HIVEP3: variants seen among roughly 807,000 people sequenced by gnomAD.
HIVEP3 encodes the protein HIVEP zinc finger 3.
A neutral mutation model predicts 152.8 loss-of-function variants in HIVEP3; 49 were observed. The observed-to-expected ratio is 0.32, with a 90% CI of 0.26 to 0.41. The LOEUF (loss-of-function observed/expected upper bound fraction) is 0.41, where lower values mean the gene tolerates loss of function less well. Ranked by LOEUF, HIVEP3 falls within the 10% of genes least tolerant of loss-of-function variation. HIVEP3 has a pLI of 1.00. For synonymous variants in HIVEP3, 1,269 were observed against 1,289.0 expected (o/e 0.98, Z 0.33); for missense variants, 2,790 against 3,103.3 (o/e 0.90, Z 2.40).
chr1:41,582,858 A>G lies in HIVEP3; in HGVS notation c.1940T>C (p.Ile647Thr). The change falls in exon 4 of 9, where the codon ATA becomes ACA. Residue 647 changes from isoleucine to threonine, a missense_variant. Around this residue, in one of 9 missense-constraint regions of HIVEP3, gnomAD observed 339 missense variants for 327.0 expected, o/e 1.04. Transcript: ENST00000372583. This position sits in a 1 kb window ranked among gnomAD's most constrained non-coding sequence, Gnocchi z 4.7. ...CCTTTTCTTGTACCGAGCACCACAT[A>G]TGTTACATTCGTAGATCACCCCTTT... is the stretch of plus-strand genomic sequence containing the variant. ...KTKGVIYECN[I>T]CGARYKKRDN... 1 of 1,614,078 alleles carries G rather than the reference A, an allele frequency of 6.2e-7. No homozygotes were observed. Among genetic ancestry groups the G allele is most frequent in the South Asian group, 1.1e-5 (1 of 91,078 alleles).
chr1:41,838,492 C>A (rs1338961033), intron 1 of HIVEP3, among the ~76,000 whole-genome samples: 1 of 152,134 alleles, frequency 6.6e-6, no homozygotes, highest in South Asian at 2.1e-4. Context: ...CGCTTGTGGT[C>A]GGCCTCGGAT....
intron 5 of HIVEP3, among the ~76,000 whole-genome samples, chr1:41,545,044 C>T (rs1260911107): frequency 1.1e-5 from 1 of 94,582 alleles, no homozygotes; most frequent in African/African-American, 3.4e-5. Flanking sequence ...ACCAATACCA[C>T]TACCACCACC....
rs560094791 is a variant in HIVEP3, at chr1:41,718,548, T to A, written c.-800-17553A>T. Among the ~76,000 whole-genome samples the A allele has an allele frequency of 1.4e-3, 210 of 152,326 alleles. 1 individual carries two copies. The highest frequency in any genetic ancestry group is 2.6e-3 in the Non-Finnish European group (178 of 68,022). ...TTAGATGACAGAGATTGAACCCTGC[T>A]GGAATGGGAACAGCGGACCTGCCCC... On this transcript the variant is annotated intron_variant, in intron 1 of 8. Coordinates refer to ENST00000372583, the MANE Select transcript of HIVEP3 (RefSeq NM_024503.5).
intron 1 of HIVEP3, among the ~76,000 whole-genome samples, chr1:41,738,118 A>G (rs1646945256): frequency 2.6e-5 from 4 of 152,172 alleles, no homozygotes; most frequent in Admixed American, 2.6e-4. Flanking sequence ...GTCCTCTTCC[A>G]TCCTGCTCTG....
intron 1 of HIVEP3, among the ~76,000 whole-genome samples, chr1:41,996,813 G>C (rs1346288074): frequency 2.0e-5 from 3 of 152,204 alleles, no homozygotes; most frequent in Non-Finnish European, 4.4e-5. Flanking sequence ...GAGCAGAGCT[G>C]CATTCCTTCT....
At chr1:41,961,868 A>G (rs897840214) in intron 1 of HIVEP3, among the ~76,000 whole-genome samples, 5 of 152,278 alleles carry the variant, frequency 3.3e-5, no homozygotes, top group Admixed American at 2.6e-4. Context: ...AATTAGTAAT[A>G]CTGGTCCCTT....
intron 5 of HIVEP3, among the ~76,000 whole-genome samples, chr1:41,545,259 ACCAC>A (rs1489283636): frequency 7.1e-6 from 1 of 140,808 alleles, no homozygotes; most frequent in Non-Finnish European, 1.6e-5. Flanking sequence ...TACCACTACC[ACCAC>A]TACCACCACC....
intron 3 of HIVEP3, among the ~76,000 whole-genome samples, chr1:41,603,024 A>G (rs1416685336): frequency 1.3e-5 from 2 of 150,840 alleles, no homozygotes; most frequent in African/African-American, 2.4e-5. Flanking sequence ...TGAATTTTCA[A>G]TTTCCTTCTG....
At position 41,828,791 on chromosome 1, in the gene HIVEP3, C is replaced by T. The variant is rs777719901; in HGVS notation, c.-801+89622G>A. ...TTTGTCCAGCCCCCTGCACCCTGGC[C>T]AGTCTCCTAATTCTCCATCCAGAAT... On this transcript the variant is annotated intron_variant, in intron 1 of 8. Transcript: ENST00000372583. Among the ~76,000 whole-genome samples, 21 of 152,224 alleles carry T rather than the reference C, an allele frequency of 1.4e-4. 1 individual carries two copies. Among genetic ancestry groups the T allele is most frequent in the Non-Finnish European group, 1.9e-4 (13 of 68,040 alleles).
chr1:41,869,021 G>T (rs1006215237), intron 1 of HIVEP3, among the ~76,000 whole-genome samples: 1 of 152,142 alleles, frequency 6.6e-6, no homozygotes, highest in Non-Finnish European at 1.5e-5. Flanking sequence ...AGCAAAGGTG[G>T]GGTTCAAAGC....
Position 41,581,111 on chromosome 1 carries a change from C to A in HIVEP3, c.3687G>T (p.Pro1229=), listed in dbSNP as rs61732495. 1.1e-3 allele frequency: 1,645 copies of A among 1,555,258 alleles called. 12 individuals carry two copies. The African/African-American group carries it at 0.02, about 19-fold the overall frequency. The change falls in exon 4 of 9, where the codon CCG becomes CCT. Residue 1229 remains proline, a synonymous_variant. Coordinates refer to ENST00000372583, the MANE Select transcript of HIVEP3 (RefSeq NM_024503.5). The surrounding 1 kb of genome is among the most constrained non-coding windows in gnomAD (Gnocchi z 4.5). Reference sequence around the variant, plus strand: ...ACCCAGAAGACAGTGCTGAGGAGGTCGGGTATGGCATGGGGAGGAAGGAAG... The same window carrying A: ...ACCCAGAAGACAGTGCTGAGGAGGTAGGGTATGGCATGGGGAGGAAGGAAG... ...QPPSFLPMPY[P]TSSALSSGFF...
intron 1 of HIVEP3, among the ~76,000 whole-genome samples, chr1:41,716,469 T>A (rs867810294): frequency 2.0e-5 from 3 of 152,282 alleles, no homozygotes; most frequent in African/African-American, 7.2e-5. Context: ...CAGAAGGAGC[T>A]ACATCTAGAT....
At chr1:41,949,787 C>T (rs900045771) in intron 1 of HIVEP3, among the ~76,000 whole-genome samples, 1 of 152,158 alleles carries the variant, frequency 6.6e-6, no homozygotes, top group Non-Finnish European at 1.5e-5. Flanking sequence ...AATGGAGCCC[C>T]AGAGGCAGTC....
chr1:42,033,320 T>C (rs1225544486), intron 1 of HIVEP3, among the ~76,000 whole-genome samples: 1 of 152,138 alleles, frequency 6.6e-6, no homozygotes, highest in African/African-American at 2.4e-5. Flanking sequence ...TTCTTTTAAT[T>C]GTCTTTTTTT....
chr1:41,839,792 C>T (rs147369946), intron 1 of HIVEP3, among the ~76,000 whole-genome samples: 117 of 152,312 alleles, frequency 7.7e-4, no homozygotes, highest in African/African-American at 2.7e-3. Flanking sequence ...TAACGGTCTA[C>T]CTTGCTTAGC....
At chr1:41,878,760 C>T (rs1644212762) in intron 1 of HIVEP3, among the ~76,000 whole-genome samples, 1 of 135,216 alleles carries the variant, frequency 7.4e-6, no homozygotes, top group African/African-American at 2.8e-5. Context: ...CTCTCTTCCT[C>T]CCTCCTCCTC....
intron 1 of HIVEP3, among the ~76,000 whole-genome samples, chr1:41,860,265 C>T (rs1312025343): frequency 6.6e-6 from 1 of 152,204 alleles, no homozygotes; most frequent in Non-Finnish European, 1.5e-5. Flanking sequence ...TTCCTTAAAT[C>T]TCCCCCTTGA....
chr1:41,934,377 G>A (rs745440169), intron 1 of HIVEP3, among the ~76,000 whole-genome samples: 3 of 152,090 alleles, frequency 2.0e-5, no homozygotes, highest in Non-Finnish European at 4.4e-5. Context: ...ATTTCTCCCT[G>A]AAGATACCTA....
At chr1:41,686,220 C>A (rs1350945539) in intron 2 of HIVEP3, among the ~76,000 whole-genome samples, 2 of 152,076 alleles carry the variant, frequency 1.3e-5, no homozygotes, top group African/African-American at 4.8e-5. Flanking sequence ...TACAGGCACA[C>A]ACCACCACGC....
Sources: allele counts gnomAD v4.1 joint callset (sites outside exome capture counted in the v4.1 genomes callset), GRCh38; gene constraint gnomAD v4.1.1; regional missense constraint gnomAD v4.1.1; non-coding constraint Gnocchi (gnomAD v3.1); transcripts MANE v1.5; gene names NCBI Gene and HGNC (gene_info 2026-07-23, HGNC 2026-07-21).